SPIDR: variants seen among roughly 807,000 people sequenced by gnomAD.
The protein encoded by SPIDR is scaffold protein involved in DNA repair.
A neutral mutation model predicts 104.6 loss-of-function variants in SPIDR; 93 were observed. The observed-to-expected ratio is 0.89, with a 90% CI of 0.75 to 1.06. The LOEUF (loss-of-function observed/expected upper bound fraction) is 1.06. Ranked by LOEUF, SPIDR falls within the 50% of genes least tolerant of loss-of-function variation. The pLI is 0.00. For synonymous variants in SPIDR, 431 were observed against 416.9 expected, an observed-to-expected ratio of 1.03 and a Z score of -0.41; for missense variants, 1,154 against 1,111.2, an observed-to-expected ratio of 1.04 and a Z score of -0.55.
At chr8:47,678,575 G>A (rs1046852989) in intron 11 of SPIDR, among the ~76,000 whole-genome samples, 5 of 152,172 alleles carry the variant, frequency 3.3e-5, no homozygotes, top group Admixed American at 2.0e-4. Context: ...CACAGAGAGC[G>A]GAGGCTCAGA....
chr8:47,365,361 T>A (rs1416962496), intron 5 of SPIDR, among the ~76,000 whole-genome samples: 1 of 152,220 alleles, frequency 6.6e-6, no homozygotes, highest in Non-Finnish European at 1.5e-5. Context: ...TTTGAAGATA[T>A]GTTGCCTGCC....
intron 8 of SPIDR, among the ~76,000 whole-genome samples, chr8:47,506,448 C>G (rs899325866): frequency 6.6e-6 from 1 of 152,130 alleles, no homozygotes; most frequent in African/African-American, 2.4e-5. Flanking sequence ...ATCGTTCTTT[C>G]TTTCTCTAAT....
At position 47,340,993 on chromosome 8, in the gene SPIDR, G is replaced by A. The variant is rs143689288; in HGVS notation, c.525+46963G>A. Among the ~76,000 whole-genome samples the A allele has an allele frequency of 2.2e-4, 33 of 152,300 alleles. No individual in the cohort carries two copies. The East Asian group carries it at 4.6e-3, about 21-fold the overall frequency. On this transcript the variant is annotated intron_variant, in intron 5 of 19. Transcript: ENST00000297423. ...GTGTAGCACTTTTCCTGAGTTCTAT[G>A]AGTTGTAGTGAATTATTAAACCTGA...
At chr8:47,555,923 G>A (rs2091269984) in intron 8 of SPIDR, among the ~76,000 whole-genome samples, 1 of 152,198 alleles carries the variant, frequency 6.6e-6, no homozygotes, top group African/African-American at 2.4e-5. Context: ...ACAGTAGTCT[G>A]TCTGTCTGAC....
intron 11 of SPIDR, chr8:47,697,944 C>G (rs1295809803): frequency 2.0e-5 from 3 of 152,194 alleles, no homozygotes; most frequent in Admixed American, 2.0e-4. Context: ...GTGAGTAGGA[C>G]AGCTGGCCCT....
At position 47,309,379 on chromosome 8, in the gene SPIDR, C is replaced by T. The variant is rs145315138; in HGVS notation, c.525+15349C>T. Among the ~76,000 whole-genome samples, 4 of 152,202 alleles carry T rather than the reference C, an allele frequency of 2.6e-5. No individual in the cohort carries two copies. The East Asian group carries it at 7.7e-4, about 29-fold the overall frequency. On this transcript the variant is annotated intron_variant, in intron 5 of 19. Coordinates refer to ENST00000297423, the MANE Select transcript of SPIDR (RefSeq NM_001080394.4). Reference sequence around the variant, plus strand: ...ATAACTCATGTATTATATACTGTATCTGTTCATTATCTTAGTATAGCATTT... The same window carrying T: ...ATAACTCATGTATTATATACTGTATTTGTTCATTATCTTAGTATAGCATTT...
intron 8 of SPIDR, among the ~76,000 whole-genome samples, chr8:47,573,978 TGTTCCTA>T (rs2058805698): frequency 6.6e-6 from 1 of 152,222 alleles, no homozygotes; most frequent in South Asian, 2.1e-4. Flanking sequence ...AATCCAAGAA[TGTTCCTA>T]CTGCTTTAAG....
chr8:47,388,540 C>T (rs1554649625), intron 5 of SPIDR: 1 of 154,164 alleles, frequency 6.5e-6, no homozygotes, highest in Non-Finnish European at 1.5e-5. Context: ...AGAGGTTTGT[C>T]ATTAGTGTAG....
intron 8 of SPIDR, among the ~76,000 whole-genome samples, chr8:47,460,803 T>G (rs1263708111): frequency 1.3e-5 from 2 of 152,208 alleles, no homozygotes; most frequent in Non-Finnish European, 2.9e-5. Flanking sequence ...TTTCCAGGAT[T>G]TGTTTCAAGA....
chr8:47,349,114 G>A (rs1554620496), intron 5 of SPIDR, among the ~76,000 whole-genome samples: 1 of 152,186 alleles, frequency 6.6e-6, no homozygotes, highest in East Asian at 1.9e-4. Context: ...TTTGATGATG[G>A]TGACCTACAG....
intron 8 of SPIDR, chr8:47,512,137 G>A (rs940829633): frequency 3.9e-5 from 17 of 441,102 alleles, no homozygotes; most frequent in Middle Eastern, 3.1e-4. Context: ...CTGTTGCTCC[G>A]CTGCCGTCTT....
chr8:47,383,924 G>A (rs2059601457), intron 5 of SPIDR, among the ~76,000 whole-genome samples: 1 of 152,172 alleles, frequency 6.6e-6, no homozygotes, highest in Non-Finnish European at 1.5e-5. Context: ...ACCTTTTGCA[G>A]TGCAGGGTTT....
chr8:47,498,635 A>G (rs1001139079), intron 8 of SPIDR, among the ~76,000 whole-genome samples: 3 of 152,000 alleles, frequency 2.0e-5, no homozygotes, highest in African/African-American at 7.3e-5. Flanking sequence ...ACTCTGTGCT[A>G]TTTTCTGGGC....
At chr8:47,469,236 C>T (rs1192167857) in intron 8 of SPIDR, among the ~76,000 whole-genome samples, 1 of 152,150 alleles carries the variant, frequency 6.6e-6, no homozygotes, top group Non-Finnish European at 1.5e-5. Flanking sequence ...TGTTTGTACA[C>T]TGTTGGTGGG....
Position 47,721,498 on chromosome 8 carries a change from G to GTCT in SPIDR, c.2342-5700_2342-5698dup, listed in dbSNP as rs763288988. On this transcript the variant is annotated intron_variant, in intron 16 of 19. Coordinates refer to ENST00000297423, the MANE Select transcript of SPIDR (RefSeq NM_001080394.4). ...AACTTTTTTTTTTTTTTGAGACAGAGTCTTGCTCAGTTACCCAGGCTGGAG... is the reference window on the plus strand; with the variant it reads ...AACTTTTTTTTTTTTTTGAGACAGAGTCTTCTTGCTCAGTTACCCAGGCTGGAG... 2.6e-5 allele frequency among the ~76,000 whole-genome samples: 4 copies of GTCT among 151,066 alleles called. No homozygotes were observed. The East Asian group carries it at 5.8e-4, about 22-fold the overall frequency.
At chr8:47,312,745 T>A (rs2044454468) in intron 5 of SPIDR, among the ~76,000 whole-genome samples, 1 of 152,210 alleles carries the variant, frequency 6.6e-6, no homozygotes, top group African/African-American at 2.4e-5. Context: ...ATTTGTCAAT[T>A]TTGGCTTTTG....
intron 5 of SPIDR, chr8:47,357,784 A>C: frequency 1.1e-6 from 1 of 882,884 alleles, no homozygotes; most frequent in Non-Finnish European, 1.4e-6. Context: ...CTGAAAAAAA[A>C]TTAGGGAAGG....
intron 8 of SPIDR, among the ~76,000 whole-genome samples, chr8:47,541,314 C>T (rs1044960733): frequency 6.6e-6 from 1 of 152,198 alleles, no homozygotes; most frequent in Non-Finnish European, 1.5e-5. Context: ...TCTATACCAC[C>T]AGTAAGATGC....
At chr8:47,553,661 T>A (rs1269815727) in intron 8 of SPIDR, among the ~76,000 whole-genome samples, 1 of 152,258 alleles carries the variant, frequency 6.6e-6, no homozygotes, top group Non-Finnish European at 1.5e-5. Context: ...TTTTTTCAAG[T>A]TTTTTAGCTT....
Sources: gnomAD v4.1 joint callset for allele counts (sites outside exome capture counted in the v4.1 genomes callset) on GRCh38, gnomAD v4.1.1 for gene constraint, MANE v1.5 for transcripts, NCBI Gene and HGNC (gene_info 2026-07-23, HGNC 2026-07-21) for gene names.